Variants in RPL29 observed in about 807,000 individuals in gnomAD.
RPL29 encodes the protein ribosomal protein L29.
Under a neutral mutation model 7.2 loss-of-function variants are expected in RPL29, and 4 were observed. The observed-to-expected ratio is 0.55, with a 90% CI of 0.27 to 1.26. The LOEUF is 1.26. Among genes scored for constraint, RPL29 ranks in the 50% most tolerant of loss-of-function variants. The probability of loss-of-function intolerance (pLI) is 0.11; values close to 1 mark genes in which losing one functional copy is unlikely to be tolerated. For synonymous variants in RPL29, 73 were observed against 72.8 expected (o/e 1.00, Z -0.01); for missense variants, 148 against 209.1 (o/e 0.71, Z 1.80).
chr3:51,995,584 C>T lies in RPL29; in HGVS notation c.-8-115G>A. ...CAGAGAATGTGCAGCCTCCACGAGT[C>T]TCGGCTTACTCTGCACGACCAAACG... On this transcript the variant is annotated intron_variant, in intron 1 of 3. Coordinates refer to ENST00000294189, the MANE Select transcript of RPL29 (RefSeq NM_000992.3). 6 of 993,744 alleles carry T rather than the reference C, an allele frequency of 6.0e-6. No homozygotes were observed. The South Asian group carries it at 6.7e-5, about 11-fold the overall frequency. 61.6% of individuals were successfully genotyped at this position (993,744 alleles called of 1,614,324 possible). A position where few individuals can be genotyped will look rare whatever the true frequency, so the allele number is the denominator to read the frequency against.
intron 3 of RPL29, 38 bp downstream of exon 3, chr3:51,995,004 C>G (rs1256271870): frequency 1.3e-6 from 2 of 1,573,042 alleles, no homozygotes; most frequent in Non-Finnish European, 1.7e-6. Flanking sequence ...GCACCTGGAA[C>G]CAAGAAAAGA....
rs556195023 is a variant in RPL29, at chr3:51,993,904, G to A, written c.325C>T (p.Arg109Cys). 1.9e-5 allele frequency: 31 copies of A among 1,596,494 alleles called. No individual in the cohort carries two copies. Among genetic ancestry groups the A allele is most frequent in the Non-Finnish European group, 2.3e-5 (27 of 1,179,774 alleles). Residue 109 changes from arginine to cysteine, a missense_variant, in exon 4 of 4, where the codon CGT (arginine) becomes TGT (cysteine). Arg to Cys is a radical substitution (Grantham distance 180, BLOSUM62 -3). Transcript: ENST00000294189. Reference protein sequence around the residue: ...IAHPKLGKRARARIAKGLRLC... With the variant: ...IAHPKLGKRACARIAKGLRLC... ...CTGAGCCCCTTGGCAATACGGGCAC[G>A]AGCACGCTTCCCAAGCTTGGGGTGG...
chr3:51,994,343 A>G, intron 3 of RPL29: 1 of 552,246 alleles, frequency 1.8e-6, no homozygotes. Context: ...CTCCTTCAAG[A>G]ACAAAATTAC....
At chr3:51,994,277 A>G (rs1288159069) in intron 3 of RPL29, 151 bp from the exon 4 acceptor site, 1 of 1,052,302 alleles carries the variant, frequency 9.5e-7, no homozygotes, top group East Asian at 2.6e-5. Context: ...ATTTCCAGAG[A>G]AAGTGTACCA....
chr3:51,993,574 C>G lies in RPL29; in HGVS notation c.*175G>C. On this transcript the variant is annotated 3_prime_UTR_variant, in exon 4 of 4. Transcript: ENST00000294189. ...TCCAGACCCATGTCTTCTCCCACAC[C>G]AACAGATGGAGCAACCAAACCCATC... The G allele has an allele frequency of 1.5e-6, 1 of 677,038 alleles. No individual in the cohort carries two copies. The highest frequency in any genetic ancestry group is 2.0e-5 in the South Asian group (1 of 48,788). 41.9% of individuals were successfully genotyped at this position (677,038 alleles called of 1,614,324 possible). A position where few individuals can be genotyped will look rare whatever the true frequency, so the allele number is the denominator to read the frequency against.
Position 51,993,837 on chromosome 3 carries a change from TCCTTGGCCTTGGCCTTGG to T in RPL29, c.374_391del (p.Ala125_Lys130del), listed in dbSNP as rs71084167. ...GGCTGCAGCCTGGGCCTTGGTTTGA[TCCTTGGCCTTGGCCTTGG>T]CCTTGGCCTTTGGCCGGCACAGCCT... On this transcript the variant is annotated inframe_deletion, in exon 4 of 4. Transcript: ENST00000294189. The T allele has an allele frequency of 2.1e-5, 33 of 1,588,378 alleles. No individual in the cohort carries two copies. In the South Asian group the frequency reaches 3.3e-4, roughly 16 times the overall value.
rs141394482 is a variant in RPL29, at chr3:51,995,054, T to G, written c.90A>C (p.Glu30Asp). 1 of 1,612,776 alleles carries G rather than the reference T, an allele frequency of 6.2e-7. No individual in the cohort carries two copies. The highest frequency in any genetic ancestry group is 8.5e-7 in the Non-Finnish European group (1 of 1,179,530). ...TCAGTGCACTCACCCCCTTAAGAGA[T>G]TCGTATCTTTGTGATCGGGGTTTCT... ...GIKKPRSQRY[E>D]SLKGVDPKFL... The change falls in exon 3 of 4, where the codon GAA (glutamate) becomes GAC (aspartate). Residue 30 changes from glutamate to aspartate, a missense_variant. Transcript: ENST00000294189.
At chr3:51,994,539 G>T in intron 3 of RPL29, 1 of 347,222 alleles carries the variant, frequency 2.9e-6, no homozygotes. Context: ...GGAAACTGAG[G>T]CTCAGAGTTT....
Position 51,995,126 on chromosome 3 carries a change from A to C in RPL29, c.38-20T>G. ...TTCGGGCTGTGGGAGAAAAAAAGGG[A>C]ATTAAGCCAACAAAGAACTTTCCTC... On this transcript the variant is annotated intron_variant, in intron 2 of 3. Coordinates refer to ENST00000294189, the MANE Select transcript of RPL29 (RefSeq NM_000992.3). 6.3e-7 allele frequency: 1 copy of C among 1,595,158 alleles called. No individual in the cohort carries two copies. Among genetic ancestry groups the C allele is most frequent in the Non-Finnish European group, 8.6e-7 (1 of 1,168,232 alleles).
In RPL29 at chr3:51,995,045, C is replaced by A; in HGVS notation, c.99G>T (p.Lys33Asn). ...CCATGTGATTCAGTGCACTCACCCC[C>A]TTAAGAGATTCGTATCTTTGTGATC... ...KPRSQRYESL[K>N]GVDPKFLRNM... Residue 33 changes from lysine (K) to asparagine (N), a missense_variant, in exon 3 of 4, where the codon AAG becomes AAT. Coordinates refer to ENST00000294189, the MANE Select transcript of RPL29 (RefSeq NM_000992.3). 1 of 1,612,892 alleles carries A rather than the reference C, an allele frequency of 6.2e-7. No individual in the cohort carries two copies. The highest frequency in any genetic ancestry group is 1.1e-5 in the South Asian group (1 of 91,038).
At chr3:51,995,551 C>T (rs1402579275) in intron 1 of RPL29, 82 bp from the exon 2 acceptor site, 12 of 1,346,654 alleles carry the variant, frequency 8.9e-6, no homozygotes, top group Non-Finnish European at 1.3e-5. Flanking sequence ...TCAGAATGAG[C>T]CTGCAGGCAG....
At position 51,993,614 on chromosome 3, in the gene RPL29, CAG is replaced by C; in HGVS notation, c.*133_*134del. The C allele has an allele frequency of 2.1e-6, 2 of 948,266 alleles. No homozygotes were observed. Among genetic ancestry groups the C allele is most frequent in the Non-Finnish European group, 3.2e-6 (2 of 634,750 alleles). The allele number at this position is 948,266 out of a possible 1,614,324, so 58.7% of individuals were successfully genotyped here. On this transcript the variant is annotated 3_prime_UTR_variant, in exon 4 of 4. Transcript: ENST00000294189. ...CCAAACCCATCCCCAGGATCATAGA[CAG>C]AGGCTAACAAATCCTGCCTCAGGTT...
chr3:51,993,826 C>T lies in RPL29; in HGVS notation c.403G>A (p.Ala135Thr). The change falls in exon 4 of 4, where the codon GCC becomes ACC. Residue 135 changes from alanine to threonine, a missense_variant. Coordinates refer to ENST00000294189, the MANE Select transcript of RPL29 (RefSeq NM_000992.3). ...ACTGAAGCTGGGGCTGCAGCCTGGGCCTTGGTTTGATCCTTGGCCTTGGCC... is the reference window on the plus strand; with the variant it reads ...ACTGAAGCTGGGGCTGCAGCCTGGGTCTTGGTTTGATCCTTGGCCTTGGCC... ...AKAKAKDQTK[A>T]QAAAPASVPA... The T allele has an allele frequency of 6.5e-7, 1 of 1,532,180 alleles. No individual in the cohort carries two copies. The allele number at this position is 1,532,180 out of a possible 1,614,324, so 94.9% of individuals were successfully genotyped here.
chr3:51,994,181 G>A lies in RPL29; in HGVS notation c.103-55C>T. 5 of 1,536,618 alleles carry A rather than the reference G, an allele frequency of 3.3e-6. No individual in the cohort carries two copies. In the South Asian group the frequency reaches 3.8e-5, roughly 12 times the overall value. ...CATGTGGGTCCCCAAGTCTCTCCCT[G>A]CTGCCCCTCTCCATAGGGGTACCCA... is the stretch of plus-strand genomic sequence containing the variant. On this transcript the variant is annotated intron_variant, in intron 3 of 3. Coordinates refer to ENST00000294189, the MANE Select transcript of RPL29 (RefSeq NM_000992.3).
At chr3:51,994,931 A>G in intron 3 of RPL29, 111 bp downstream of exon 3, 2 of 949,418 alleles carry the variant, frequency 2.1e-6, no homozygotes, top group Non-Finnish European at 3.5e-6. Flanking sequence ...TGGGTGGGCC[A>G]GTTAGGCTGT....
At position 51,995,423 on chromosome 3, in the gene RPL29, A is replaced by C. The variant is rs1457601431; in HGVS notation, c.37+2T>G. 2 of 1,614,150 alleles carry C rather than the reference A, an allele frequency of 1.2e-6. No homozygotes were observed. The highest frequency in any genetic ancestry group is 1.7e-6 in the Non-Finnish European group (2 of 1,180,018). On this transcript the variant is annotated splice_donor_variant, in intron 2 of 3. Coordinates refer to ENST00000294189, the MANE Select transcript of RPL29 (RefSeq NM_000992.3). LOFTEE classifies it high-confidence loss of function. ...GATGTAGGCAGGGCCCAAAAAACTT[A>C]CACTGGTTGTGTGTGGTGTGGTTCT...
Position 51,993,988 on chromosome 3 carries a change from C to T in RPL29, c.241G>A (p.Val81Ile), listed in dbSNP as rs772012734. Residue 81 changes from valine to isoleucine, a missense_variant, in exon 4 of 4, where the codon GTT becomes ATT. Coordinates refer to ENST00000294189, the MANE Select transcript of RPL29 (RefSeq NM_000992.3). ...AIKALVKPKE[V>I]KPKIPKGVSR... ...ACACCCTTTGGGATCTTGGGCTTAA[C>T]CTCCTTGGGCTTTACGAGGGCCTTG... 1.3e-6 allele frequency: 2 copies of T among 1,597,826 alleles called. No homozygotes were observed. The highest frequency in any genetic ancestry group is 1.1e-5 in the South Asian group (1 of 91,018).
chr3:51,995,259 C>G, intron 2 of RPL29, 153 bp from the exon 3 acceptor site: 1 of 964,518 alleles, frequency 1.0e-6, no homozygotes, highest in East Asian at 2.5e-5. Flanking sequence ...GCAAAACACT[C>G]TGTATCTCAA....
At chr3:51,995,010 A>C (rs748405199) in intron 3 of RPL29, 32 bp downstream of exon 3, 43 of 1,591,594 alleles carry the variant, frequency 2.7e-5, no homozygotes, top group South Asian at 8.8e-5. Flanking sequence ...GGAACCAAGA[A>C]AAGACACTTC....
Sources: allele counts gnomAD v4.1 joint callset, GRCh38; gene constraint gnomAD v4.1.1; transcripts MANE v1.5; gene names NCBI Gene and HGNC (gene_info 2026-07-23, HGNC 2026-07-21).